Variants in DCST2 observed in about 807,000 individuals in gnomAD.
DCST2 encodes DC-STAMP domain containing 2.
Under a neutral mutation model 81.8 loss-of-function variants are expected in DCST2, and 64 were observed. The observed-to-expected ratio is 0.78, with a 90% CI of 0.64 to 0.96. DCST2 has a LOEUF of 0.96. DCST2 is among the 40% of genes least tolerant of loss of function. DCST2 has a pLI of 0.00. For missense variants in DCST2, 945 were observed against 1,001.4 expected, an observed-to-expected ratio of 0.94 and a Z score of 0.76; for synonymous variants, 354 against 402.6, an observed-to-expected ratio of 0.88 and a Z score of 1.44.
Position 155,022,439 on chromosome 1 carries a change from G to A in DCST2, c.2105+678C>T, listed in dbSNP as rs537815089. Among the ~76,000 whole-genome samples the A allele has an allele frequency of 2.5e-4, 38 of 152,094 alleles. No homozygotes were observed. The East Asian group carries it at 6.2e-3, about 25-fold the overall frequency. On this transcript the variant is annotated intron_variant, in intron 14 of 14. Coordinates refer to ENST00000368424, the MANE Select transcript of DCST2 (RefSeq NM_144622.3). ...CCAAGTTGCCCCCAAAATCCAGCCCGTGGCCAGGCACCATGGCTCACACCT... is the reference window on the plus strand; with the variant it reads ...CCAAGTTGCCCCCAAAATCCAGCCCATGGCCAGGCACCATGGCTCACACCT...
chr1:155,025,877 T>A (rs931136611), intron 10 of DCST2, among the ~76,000 whole-genome samples: 2 of 151,638 alleles, frequency 1.3e-5, no homozygotes, highest in African/African-American at 4.9e-5. Flanking sequence ...TTTCTTTCTT[T>A]CTTTTTTTTT....
intron 11 of DCST2, 57 bp from the exon 12 acceptor site, chr1:155,024,016 A>G: frequency 6.4e-7 from 1 of 1,563,646 alleles, no homozygotes; most frequent in East Asian, 2.3e-5. Context: ...AACCCTCCCC[A>G]CTCCAGCACC....
At chr1:155,031,986 T>TGTTTG (rs760721794) in intron 3 of DCST2, among the ~76,000 whole-genome samples, 26 of 152,224 alleles carry the variant, frequency 1.7e-4, no homozygotes, top group Non-Finnish European at 3.4e-4. Flanking sequence ...TGTTTCTGTT[T>TGTTTG]GTTTGTTTTG....
chr1:155,032,363 C>T (rs1043750967), intron 3 of DCST2, among the ~76,000 whole-genome samples: 24 of 149,946 alleles, frequency 1.6e-4, no homozygotes, highest in Non-Finnish European at 2.4e-4. Flanking sequence ...TACAGTGGCA[C>T]GATCATAGCT....
At position 155,024,482 on chromosome 1, in the gene DCST2, G is replaced by A. The variant is rs750005587; in HGVS notation, c.1732C>T (p.Leu578=). 2.2e-5 allele frequency: 36 copies of A among 1,605,846 alleles called. 1 individual carries two copies. The highest frequency in any genetic ancestry group is 1.2e-4 in the Admixed American group (7 of 59,306). Residue 578 remains leucine, a synonymous_variant, in exon 11 of 15, where the codon CTG becomes TTG. Transcript: ENST00000368424. ...DQGHRSAFLV[L]ASRCPCLGPF... is the part of the protein sequence containing the mutation. ...AGACAGTGGCCTCACCGACTGGCCAGCACTAGGAAGGCACTTCTGTGGCCC... is the reference window on the plus strand; with the variant it reads ...AGACAGTGGCCTCACCGACTGGCCAACACTAGGAAGGCACTTCTGTGGCCC...
At chr1:155,029,871 TCC>T (rs933236257) in intron 7 of DCST2, among the ~76,000 whole-genome samples, 2 of 152,174 alleles carry the variant, frequency 1.3e-5, no homozygotes, top group Non-Finnish European at 2.9e-5. Context: ...GTGTCTATGT[TCC>T]CCCTTTCAGA....
At position 155,024,528 on chromosome 1, in the gene DCST2, C is replaced by T. The variant is rs374471441; in HGVS notation, c.1686G>A (p.Val562=). ...GGCCCTGGTCAGCCGCCCGCCGCCT[C>T]ACTGATCGGTGCAGGGCAGCCAACA... ...TNLLAALHRS[V]RRRAADQGHR... is the part of the protein sequence containing the mutation. Residue 562 remains valine, a synonymous_variant, in exon 11 of 15, where the codon GTG becomes GTA. Coordinates refer to ENST00000368424, the MANE Select transcript of DCST2 (RefSeq NM_144622.3). 1.2e-4 allele frequency: 188 copies of T among 1,610,004 alleles called. No homozygotes were observed. The highest frequency in any genetic ancestry group is 1.5e-4 in the Non-Finnish European group (182 of 1,178,122).
intron 13 of DCST2, 48 bp from the exon 14 acceptor site, chr1:155,023,305 G>A (rs1196034558): frequency 3.1e-6 from 5 of 1,613,318 alleles, no homozygotes; most frequent in Non-Finnish European, 4.2e-6. Context: ...CTGGGAGAAG[G>A]GTGCCTACTT....
In DCST2 at chr1:155,029,233, T is replaced by C. The variant is rs891744381; in HGVS notation, c.1342A>G (p.Ser448Gly). 1.2e-6 allele frequency: 2 copies of C among 1,612,866 alleles called. No homozygotes were observed. The highest frequency in any genetic ancestry group is 1.7e-6 in the Non-Finnish European group (2 of 1,179,740). Reference sequence around the variant, plus strand: ...AGGAGGCTGTCACGTAGGCACTCACTGCGGGCCACAATCTCCCCCTGCAGC... The same window carrying C: ...AGGAGGCTGTCACGTAGGCACTCACCGCGGGCCACAATCTCCCCCTGCAGC... Reference protein sequence around the residue: ...HQLQGEIVARSPVLVSLTVEG... With the variant: ...HQLQGEIVARGPVLVSLTVEG... Residue 448 changes from serine to glycine, a missense_variant and splice_region_variant, in exon 8 of 15, where the codon AGT (serine) becomes GGT (glycine). By Grantham distance (56) the Ser-to-Gly change is moderately conservative (BLOSUM62 0). Transcript: ENST00000368424.
At chr1:155,023,993 G>A (rs1659826860) in intron 11 of DCST2, 34 bp from the exon 12 acceptor site, 1 of 1,599,662 alleles carries the variant, frequency 6.3e-7, no homozygotes, top group African/African-American at 1.3e-5. Flanking sequence ...AAGCAGGCCA[G>A]CCCAGCCAGC....
Position 155,030,095 on chromosome 1 carries a change from T to G in DCST2, c.1166A>C (p.Tyr389Ser), listed in dbSNP as rs755338188. ...LPLSAHEARR[Y>S]IPPGSIFLSQ... ...CTCAGGGCCCTCACCCGGTGGGATG[T>G]AGCGCCTGGCCTCGTGAGCACTGAG... The change falls in exon 7 of 15, where the codon TAC (tyrosine) becomes TCC (serine). Residue 389 changes from tyrosine to serine, a missense_variant. Physicochemically the swap from Tyr to Ser is moderately radical, Grantham distance 144 (BLOSUM62 -2). Transcript: ENST00000368424. 6.2e-7 allele frequency: 1 copy of G among 1,613,508 alleles called. No individual in the cohort carries two copies. The highest frequency in any genetic ancestry group is 8.5e-7 in the Non-Finnish European group (1 of 1,179,962).
intron 12 of DCST2, 48 bp from the exon 13 acceptor site, chr1:155,023,505 A>C (rs1487213409): frequency 6.4e-7 from 1 of 1,552,324 alleles, no homozygotes; most frequent in Non-Finnish European, 8.7e-7. Flanking sequence ...TCACCCACCC[A>C]CCCTCTGTGC....
intron 8 of DCST2, 185 bp from the exon 9 acceptor site, chr1:155,026,900 G>A: frequency 1.5e-6 from 1 of 660,362 alleles, no homozygotes; most frequent in Non-Finnish European, 2.6e-6. Context: ...CTGGCTCCTA[G>A]GACTGGCCCC....
intron 14 of DCST2, among the ~76,000 whole-genome samples, chr1:155,021,032 C>G (rs1441889459): frequency 1.3e-5 from 2 of 151,790 alleles, no homozygotes; most frequent in Non-Finnish European, 2.9e-5. Flanking sequence ...CCAATCCTCC[C>G]TCTGTCACCC....
In DCST2 at chr1:155,023,725, A is replaced by G. The variant is rs1659818491; in HGVS notation, c.1870+107T>C. On this transcript the variant is annotated intron_variant, in intron 12 of 14. Coordinates refer to ENST00000368424, the MANE Select transcript of DCST2 (RefSeq NM_144622.3). The stretch of plus-strand genomic sequence containing the variant: ...GCATAGTAATGAAGGGAGGGGCACA[A>G]AAGATGAGGTACAAGAGAAGTCCAT... 3 of 1,586,090 alleles carry G rather than the reference A, an allele frequency of 1.9e-6. No homozygotes were observed. The African/African-American group carries it at 4.0e-5, about 21-fold the overall frequency.
At chr1:155,022,120 G>A (rs1365240708) in intron 14 of DCST2, among the ~76,000 whole-genome samples, 2 of 152,090 alleles carry the variant, frequency 1.3e-5, no homozygotes, top group Non-Finnish European at 2.9e-5. Flanking sequence ...ACCCACCTCG[G>A]CCTCCCAAAG....
chr1:155,031,470 C>A, intron 4 of DCST2, 104 bp downstream of exon 4: 1 of 1,364,028 alleles, frequency 7.3e-7, no homozygotes, highest in Non-Finnish European at 1.0e-6. Flanking sequence ...CTCTGTTGCC[C>A]TCTAATCGTC....
rs762259367 is a variant in DCST2 at position 155,023,214 on chromosome 1, C to T, written c.2008G>A (p.Ala670Thr). Residue 670 changes from alanine (A) to threonine (T), a missense_variant, in exon 14 of 15, where the codon GCT becomes ACT. By Grantham distance (58) the Ala-to-Thr change is moderately conservative. Coordinates refer to ENST00000368424, the MANE Select transcript of DCST2 (RefSeq NM_144622.3). ...EEGPQLWLAA[A>T]QRKDPEQAWL... ...GCCTGCTCAGGGTCCTTCCTTTGAG[C>T]TGCAGCCAGCCATAGCTGAGGGCCC... 5 of 1,614,046 alleles carry T rather than the reference C, an allele frequency of 3.1e-6. No individual in the cohort carries two copies. In the East Asian group the frequency reaches 1.1e-4, roughly 36 times the overall value.
intron 4 of DCST2, 40 bp downstream of exon 4, chr1:155,031,534 A>AACCCC: frequency 3.0e-6 from 1 of 336,962 alleles, no homozygotes; most frequent in Non-Finnish European, 5.4e-6. Flanking sequence ...ACCCCACCCC[A>AACCCC]CATCGGCTCC....
Sources: gnomAD v4.1 joint callset for allele counts (sites outside exome capture counted in the v4.1 genomes callset) on GRCh38, gnomAD v4.1.1 for gene constraint, MANE v1.5 for transcripts, NCBI Gene and HGNC (gene_info 2026-07-23, HGNC 2026-07-21) for gene names.